Variants in TASP1 observed in about 807,000 individuals in gnomAD.
TASP1 encodes the protein threonine aspartase 1.
TASP1 carries 16 observed loss-of-function variants against 56.6 expected under a neutral mutation model. The observed-to-expected ratio is 0.28, with a 90% CI of 0.19 to 0.43. TASP1 has a LOEUF of 0.43. Among genes scored for constraint, TASP1 ranks in the 20% least tolerant of loss-of-function variants. The probability of loss-of-function intolerance (pLI) is 1.00; values close to 1 mark genes in which losing one functional copy is unlikely to be tolerated. For missense variants in TASP1, 393 were observed against 511.6 expected (o/e 0.77, Z 2.24); for synonymous variants, 179 against 184.2 (o/e 0.97, Z 0.23).
At chr20:13,316,172 G>T in the TASP1 span, among the ~76,000 whole-genome samples, 1 of 151,866 alleles carries the variant, frequency 6.6e-6, no homozygotes, top group Non-Finnish European at 1.5e-5. Context: ...ATAACTCTAT[G>T]CCCACAAATT....
chr20:13,623,969 T>C (rs1334715047), intron 3 of TASP1, among the ~76,000 whole-genome samples: 1 of 152,170 alleles, frequency 6.6e-6, no homozygotes, highest in Non-Finnish European at 1.5e-5. Flanking sequence ...AATCTGAGGA[T>C]AAAAGCATAC....
chr20:13,434,894 A>G (rs2042949333), intron 12 of TASP1, 150 bp downstream of exon 12: 1 of 524,556 alleles, frequency 1.9e-6, no homozygotes, highest in African/African-American at 2.0e-5. Flanking sequence ...TATCTACGGA[A>G]AAAGATCAGT....
At chr20:13,532,992 T>C (rs2045280831) in intron 9 of TASP1, among the ~76,000 whole-genome samples, 1 of 152,104 alleles carries the variant, frequency 6.6e-6, no homozygotes, top group South Asian at 2.1e-4. Flanking sequence ...CTAGGCAGAG[T>C]AGCACAAAAC....
chr20:13,614,758 G>C, intron 4 of TASP1: 1 of 465,556 alleles, frequency 2.1e-6, no homozygotes, highest in Non-Finnish European at 4.4e-6. Flanking sequence ...TAGAATATTG[G>C]CTTCAATAAA....
the TASP1 span, among the ~76,000 whole-genome samples, chr20:13,214,238 A>C: frequency 6.6e-6 from 1 of 152,222 alleles, no homozygotes; most frequent in Non-Finnish European, 1.5e-5. Context: ...GGTTGTATTT[A>C]GCAGGTTTCT....
At chr20:13,311,232 A>AGATAGATAGATAGATAGATC in the TASP1 span, among the ~76,000 whole-genome samples, 2 of 115,488 alleles carry the variant, frequency 1.7e-5, no homozygotes, top group African/African-American at 6.7e-5. Context: ...ATAGATAGAT[A>AGATAGATAGATAGATAGATC]GATAGATAGA....
rs931627097 is a variant in TASP1, at chr20:13,627,726, T to A, written c.145+2208A>T. Among the ~76,000 whole-genome samples the A allele has an allele frequency of 6.2e-5, 5 of 80,072 alleles. No individual in the cohort carries two copies. In the African/African-American group the frequency reaches 7.3e-4, roughly 12 times the overall value. 52.5% of individuals were successfully genotyped at this position (80,072 alleles called of 152,430 possible). A position where few individuals can be genotyped will look rare whatever the true frequency, so the allele number is the denominator to read the frequency against. On this transcript the variant is annotated intron_variant, in intron 2 of 13. Coordinates refer to ENST00000337743, the MANE Select transcript of TASP1 (RefSeq NM_017714.3). ...GCAGCCTGGGCAACAAGAGCGAAAC[T>A]TAGTCTTAAAAAAAAAAAAAAAAGT... is the stretch of plus-strand genomic sequence containing the variant.
intron 11 of TASP1, among the ~76,000 whole-genome samples, chr20:13,467,744 C>A (rs919677955): frequency 1.3e-5 from 2 of 152,136 alleles, no homozygotes; most frequent in African/African-American, 4.8e-5. Flanking sequence ...CGGCCAGGTG[C>A]AGTGGCTCAT....
At chr20:13,421,370 T>C (rs1278062819) in intron 12 of TASP1, among the ~76,000 whole-genome samples, 2 of 148,254 alleles carry the variant, frequency 1.3e-5, no homozygotes, top group Non-Finnish European at 3.0e-5. Flanking sequence ...CCACCGCACC[T>C]GGCCTGTTTA....
chr20:13,426,878 G>C (rs182535182), intron 12 of TASP1, among the ~76,000 whole-genome samples: 1 of 152,296 alleles, frequency 6.6e-6, no homozygotes, highest in African/African-American at 2.4e-5. Flanking sequence ...GGCAACTAAA[G>C]AAATGAGCTT....
the TASP1 span, among the ~76,000 whole-genome samples, chr20:13,274,524 C>T: frequency 8.5e-3 from 1,297 of 152,256 alleles, 13 homozygotes; most frequent in African/African-American, 0.029. Context: ...GAACTTGATA[C>T]CCGCCTTCCC....
At chr20:13,117,169 A>G in the TASP1 span, among the ~76,000 whole-genome samples, 2 of 152,266 alleles carry the variant, frequency 1.3e-5, no homozygotes, top group African/African-American at 4.8e-5. Context: ...CAATTCTAGC[A>G]GAATATCTAG....
chr20:13,270,445 G>A, the TASP1 span: 1 of 1,545,892 alleles, frequency 6.5e-7, no homozygotes, highest in Non-Finnish European at 8.7e-7. Flanking sequence ...GACTGTTAAG[G>A]GTGACATTTT....
At chr20:13,512,226 T>C (rs955976544) in intron 10 of TASP1, among the ~76,000 whole-genome samples, 2 of 152,140 alleles carry the variant, frequency 1.3e-5, no homozygotes, top group Non-Finnish European at 2.9e-5. Flanking sequence ...CTACCAACAG[T>C]GTAAAAGTGT....
the TASP1 span, among the ~76,000 whole-genome samples, chr20:13,339,221 A>AC: frequency 6.6e-5 from 10 of 152,262 alleles, no homozygotes; most frequent in South Asian, 2.1e-3. Flanking sequence ...CCTTTGACAC[A>AC]CCCAAGAGAA....
At chr20:13,120,988 C>T in the TASP1 span, among the ~76,000 whole-genome samples, 1 of 152,236 alleles carries the variant, frequency 6.6e-6, no homozygotes, top group Non-Finnish European at 1.5e-5. Flanking sequence ...TTCTCTCCAC[C>T]TGTCAGAGCT....
chr20:13,603,519 G>GAAACAC (rs2048037064), intron 4 of TASP1, among the ~76,000 whole-genome samples: 1 of 152,008 alleles, frequency 6.6e-6, no homozygotes, highest in South Asian at 2.1e-4. Context: ...TCCAGCTTGG[G>GAAACAC]AAACACAACA....
downstream of TASP1, among the ~76,000 whole-genome samples, chr20:13,387,183 C>CTTTTTTTTT (rs1568732036): frequency 3.2e-5 from 3 of 94,950 alleles, no homozygotes; most frequent in African/African-American, 1.5e-4. Context: ...GACATGATTT[C>CTTTTTTTTT]ATTTTTTTTT....
chr20:13,282,129 T>C, the TASP1 span, among the ~76,000 whole-genome samples: 1 of 151,994 alleles, frequency 6.6e-6, no homozygotes, highest in Non-Finnish European at 1.5e-5. Flanking sequence ...TGATTGCTCA[T>C]TATACTCACC....
Sources: allele counts gnomAD v4.1 joint callset (sites outside exome capture counted in the v4.1 genomes callset), GRCh38; gene constraint gnomAD v4.1.1; transcripts MANE v1.5; gene names NCBI Gene and HGNC (gene_info 2026-07-23, HGNC 2026-07-21).